DPYD: variants seen among roughly 807,000 people sequenced by gnomAD.
DPYD encodes dihydropyrimidine dehydrogenase, also known as dihydropyrimidine dehydrogenase [NADP(+)].
Under a neutral mutation model 116.2 loss-of-function variants are expected in DPYD, and 109 were observed. The observed-to-expected ratio is 0.94, with a 90% CI of 0.80 to 1.10. The LOEUF (loss-of-function observed/expected upper bound fraction) is 1.10. DPYD is among the 50% of genes least tolerant of loss of function. The pLI, the probability that DPYD is intolerant of heterozygous loss-of-function variation, is 0.00. For missense variants in DPYD, 1,302 were observed against 1,254.5 expected, an observed-to-expected ratio of 1.04 and a Z score of -0.57; for synonymous variants, 440 against 432.0, an observed-to-expected ratio of 1.02 and a Z score of -0.23.
At position 97,091,449 on chromosome 1, in the gene DPYD, C is replaced by T. The variant is rs537120533; in HGVS notation, c.2766+7040G>A. Among the ~76,000 whole-genome samples, 15 of 152,220 alleles carry T rather than the reference C, an allele frequency of 9.9e-5. No homozygotes were observed. In the South Asian group the frequency reaches 2.5e-3, roughly 25 times the overall value. On this transcript the variant is annotated intron_variant, in intron 21 of 22. Coordinates refer to ENST00000370192, the MANE Select transcript of DPYD (RefSeq NM_000110.4). The stretch of plus-strand genomic sequence containing the variant: ...TAATCATGTAGCAGCAATTACATGG[C>T]GTGCCTGGGTGTGTGCTAAAAAACA...
chr1:97,724,741 T>C (rs1489033052), intron 4 of DPYD, among the ~76,000 whole-genome samples: 3 of 151,496 alleles, frequency 2.0e-5, no homozygotes, highest in African/African-American at 7.3e-5. Context: ...ACATCCAAGA[T>C]AAAATTTAAC....
chr1:97,099,727 A>G (rs1475975387), intron 20 of DPYD, among the ~76,000 whole-genome samples: 1 of 152,080 alleles, frequency 6.6e-6, no homozygotes, highest in Non-Finnish European at 1.5e-5. Flanking sequence ...CCTAGCAAGT[A>G]TTTTGGTGAA....
At chr1:97,239,401 C>T (rs1413331263) in intron 18 of DPYD, among the ~76,000 whole-genome samples, 1 of 152,016 alleles carries the variant, frequency 6.6e-6, no homozygotes, top group Non-Finnish European at 1.5e-5. Context: ...TTATGACAAT[C>T]AGGTTCCTTA....
intron 2 of DPYD, among the ~76,000 whole-genome samples, chr1:97,878,687 A>G (rs981631743): frequency 3.9e-5 from 6 of 151,990 alleles, no homozygotes; most frequent in Non-Finnish European, 1.5e-5. Context: ...CCATCTTTTC[A>G]TTAAATCCAT....
intron 3 of DPYD, among the ~76,000 whole-genome samples, chr1:97,827,236 T>A (rs1285618177): frequency 1.3e-5 from 2 of 152,078 alleles, no homozygotes; most frequent in Non-Finnish European, 2.9e-5. Context: ...AGCCTTAACA[T>A]CCTTGAAAAA....
intron 16 of DPYD, among the ~76,000 whole-genome samples, chr1:97,363,631 G>A (rs1434999281): frequency 2.6e-5 from 4 of 152,260 alleles, no homozygotes; most frequent in Admixed American, 2.6e-4. Context: ...ATAAAAAAAG[G>A]ATGAGTTCAT....
chr1:97,813,951 CACA>C (rs1557981503), intron 3 of DPYD, among the ~76,000 whole-genome samples: 29 of 151,300 alleles, frequency 1.9e-4, no homozygotes, highest in South Asian at 8.3e-4. Flanking sequence ...CACACACACA[CACA>C]CCCCTAAAAT....
At chr1:97,889,672 C>G (rs900868602) in intron 1 of DPYD, among the ~76,000 whole-genome samples, 9 of 152,008 alleles carry the variant, frequency 5.9e-5, no homozygotes, top group African/African-American at 2.2e-4. Flanking sequence ...GACTTCAATA[C>G]TCCACATTAA....
intron 3 of DPYD, among the ~76,000 whole-genome samples, chr1:97,768,188 A>G (rs917276520): frequency 2.6e-5 from 4 of 152,124 alleles, no homozygotes; most frequent in African/African-American, 9.7e-5. Flanking sequence ...AGCCCAAATA[A>G]TTCTTGATTT....
intron 13 of DPYD, among the ~76,000 whole-genome samples, chr1:97,490,284 T>C (rs1678894303): frequency 6.7e-6 from 1 of 149,822 alleles, no homozygotes; most frequent in East Asian, 1.9e-4. Flanking sequence ...GTCTCATACC[T>C]TCATCCTTTA....
intron 7 of DPYD, among the ~76,000 whole-genome samples, chr1:97,684,512 GAC>G (rs1385667175): frequency 6.6e-6 from 1 of 151,234 alleles, no homozygotes; most frequent in African/African-American, 2.4e-5. Context: ...AGGAGATAGA[GAC>G]ACGAAAAATC....
Position 97,078,040 on chromosome 1 carries a change from A to C in DPYD, c.*936T>G, listed in dbSNP as rs932484793. 3.3e-5 allele frequency: 5 copies of C among 152,200 alleles called. No homozygotes were observed. Among genetic ancestry groups the C allele is most frequent in the Non-Finnish European group, 1.5e-5 (1 of 68,032 alleles). The allele number at this position is 152,200 out of a possible 1,614,324, so 9.4% of individuals were successfully genotyped here. ...TATATTTCTTTTAAACATAAACACT[A>C]AAACAGAGAGTAGTCAAACTGATTT... On this transcript the variant is annotated 3_prime_UTR_variant, in exon 23 of 23. Transcript: ENST00000370192.
chr1:97,902,723 T>C lies in DPYD; in HGVS notation c.39+18161A>G, dbSNP rs78673692. Among the ~76,000 whole-genome samples the C allele has an allele frequency of 3.5e-3, 534 of 151,948 alleles. 2 individuals carry two copies. The highest frequency in any genetic ancestry group is 0.012 in the African/African-American group (514 of 41,518). ...AGGTAATTTCATCAAATTAGTAACA[T>C]TCAGATTCTAATGAGATTTCTTTAT... On this transcript the variant is annotated intron_variant, in intron 1 of 22. Transcript: ENST00000370192.
intron 3 of DPYD, among the ~76,000 whole-genome samples, chr1:97,745,268 G>A (rs1414832043): frequency 6.6e-6 from 1 of 152,060 alleles, no homozygotes; most frequent in Non-Finnish European, 1.5e-5. Context: ...TTTTAATGCT[G>A]TGCACCATTT....
At chr1:97,715,758 G>T (rs539220125) in intron 5 of DPYD, among the ~76,000 whole-genome samples, 1 of 152,058 alleles carries the variant, frequency 6.6e-6, no homozygotes, top group Non-Finnish European at 1.5e-5. Context: ...TCATCTTTTT[G>T]ATGACTGTTT....
chr1:97,353,369 C>T (rs1670247399), intron 16 of DPYD, among the ~76,000 whole-genome samples: 1 of 152,090 alleles, frequency 6.6e-6, no homozygotes, highest in Admixed American at 6.6e-5. Flanking sequence ...TGCTGGATGG[C>T]GCTCTGCATA....
At chr1:97,295,575 C>T (rs1049401216) in intron 18 of DPYD, 4 of 159,706 alleles carry the variant, frequency 2.5e-5, no homozygotes, top group Non-Finnish European at 4.0e-5. Context: ...GGACTACAGG[C>T]GCATGTCACC....
chr1:97,383,663 A>C (rs1018315854), intron 14 of DPYD, among the ~76,000 whole-genome samples: 1 of 152,122 alleles, frequency 6.6e-6, no homozygotes, highest in Non-Finnish European at 1.5e-5. Context: ...GACACCTGAC[A>C]GTCATATAGC....
intron 4 of DPYD, among the ~76,000 whole-genome samples, chr1:97,723,439 G>C (rs917320719): frequency 6.6e-6 from 1 of 151,200 alleles, no homozygotes; most frequent in African/African-American, 2.4e-5. Flanking sequence ...TGGTCCATAT[G>C]TTGATGTAAA....
Sources: allele counts gnomAD v4.1 joint callset (sites outside exome capture counted in the v4.1 genomes callset), GRCh38; gene constraint gnomAD v4.1.1; transcripts MANE v1.5; gene names NCBI Gene and HGNC (gene_info 2026-07-23, HGNC 2026-07-21).